ACSL1: variants seen among roughly 807,000 people sequenced by gnomAD.
ACSL1 encodes acyl-CoA synthetase long chain family member 1.
Under a neutral mutation model 98.4 loss-of-function variants are expected in ACSL1, and 41 were observed. The observed-to-expected ratio is 0.42, with a 90% CI of 0.32 to 0.54. The LOEUF (loss-of-function observed/expected upper bound fraction) is 0.54, where lower values mean the gene tolerates loss of function less well. ACSL1 is among the 20% of genes least tolerant of loss of function. The pLI, the probability that ACSL1 is intolerant of heterozygous loss-of-function variation, is 0.13. For missense variants in ACSL1, 734 were observed against 883.1 expected (o/e 0.83, Z 2.14); for synonymous variants, 316 against 322.7 (o/e 0.98, Z 0.22).
At position 184,777,508 on chromosome 4, in the gene ACSL1, A is replaced by AAG. The variant is rs566386645; in HGVS notation, c.478-527_478-526dup. ...AGGGAGGGAGGGAGGGAAGGAAGGA[A>AAG]AGAGAGAGAGAGAAAGAAAGATGAG... On this transcript the variant is annotated intron_variant, in intron 5 of 20. Transcript: ENST00000281455. Among the ~76,000 whole-genome samples the AAG allele has an allele frequency of 1.7e-3, 257 of 150,992 alleles. 2 individuals carry two copies. Among genetic ancestry groups the AAG allele is most frequent in the African/African-American group, 4.0e-3 (166 of 41,074 alleles).
chr4:184,782,764 T>C (rs1766525735), intron 4 of ACSL1, among the ~76,000 whole-genome samples: 1 of 152,146 alleles, frequency 6.6e-6, no homozygotes, highest in Non-Finnish European at 1.5e-5. Context: ...CTTCCCCTTC[T>C]CTTGAGAGAC....
chr4:184,808,639 A>C (rs936469178), intron 1 of ACSL1: 12 of 313,996 alleles, frequency 3.8e-5, no homozygotes, highest in Non-Finnish European at 5.5e-5. Context: ...TTCAGGGAGG[A>C]ACAAGAGAGC....
Position 184,766,307 on chromosome 4 carries a change from C to T in ACSL1, c.1263+315G>A, listed in dbSNP as rs574947625. Among the ~76,000 whole-genome samples the T allele has an allele frequency of 1.3e-5, 2 of 152,284 alleles. No homozygotes were observed. Among genetic ancestry groups the T allele is most frequent in the East Asian group, 3.9e-4 (2 of 5,174 alleles). ...CCTTCTGGGGGGCATGATATTGTTA[C>T]ACGTTATCACTCATGCTTGAAAAAT... On this transcript the variant is annotated intron_variant, in intron 13 of 20. Coordinates refer to ENST00000281455, the MANE Select transcript of ACSL1 (RefSeq NM_001995.5). The surrounding 1 kb of genome is among the most constrained non-coding windows in gnomAD (Gnocchi z 4.8).
intron 1 of ACSL1, among the ~76,000 whole-genome samples, chr4:184,812,773 T>C (rs1309455627): frequency 6.6e-6 from 1 of 152,148 alleles, no homozygotes; most frequent in Non-Finnish European, 1.5e-5. Flanking sequence ...AGTACTTTTC[T>C]TAAGTAAAAC....
chr4:184,801,796 C>G (rs894693091), intron 2 of ACSL1, among the ~76,000 whole-genome samples: 1 of 152,156 alleles, frequency 6.6e-6, no homozygotes, highest in Non-Finnish European at 1.5e-5. Context: ...TTAAACTGTT[C>G]TAGAGAGAAC....
intron 1 of ACSL1, chr4:184,821,340 C>A: frequency 3.5e-6 from 1 of 286,176 alleles, no homozygotes; most frequent in South Asian, 2.8e-5. Context: ...ACATTTCTCC[C>A]ACAACAAACC....
chr4:184,821,648 C>T (rs778822610), intron 1 of ACSL1, among the ~76,000 whole-genome samples: 2 of 152,114 alleles, frequency 1.3e-5, no homozygotes, highest in Non-Finnish European at 2.9e-5. Context: ...TTTTTAAAGA[C>T]GTATTTAAAC....
intron 2 of ACSL1, among the ~76,000 whole-genome samples, chr4:184,800,069 A>G (rs1770211340): frequency 6.6e-6 from 1 of 152,136 alleles, no homozygotes; most frequent in Non-Finnish European, 1.5e-5. Flanking sequence ...ACCTCTTTGG[A>G]CTCAGTTTTC....
At chr4:184,762,385 A>T (rs200943136) in intron 17 of ACSL1, 22 bp downstream of exon 17, 17 of 1,578,438 alleles carry the variant, frequency 1.1e-5, no homozygotes, top group Non-Finnish European at 1.4e-5. Context: ...ACTGTTTGTG[A>T]CCTGAGGAGG....
intron 11 of ACSL1, among the ~76,000 whole-genome samples, chr4:184,768,938 G>A (rs1392695036): frequency 1.3e-5 from 2 of 151,992 alleles, no homozygotes; most frequent in Non-Finnish European, 2.9e-5. Context: ...GCTTGGTGGC[G>A]GGTGCCCATA....
In ACSL1 at chr4:184,770,464, G is replaced by T; in HGVS notation, c.928C>A (p.Pro310Thr). 2 of 1,556,280 alleles carry T rather than the reference G, an allele frequency of 1.3e-6. No individual in the cohort carries two copies. Among genetic ancestry groups the T allele is most frequent in the Non-Finnish European group, 1.7e-6 (2 of 1,142,870 alleles). Residue 310 changes from proline (P) to threonine (T), a missense_variant, in exon 11 of 21, where the codon CCT (proline) becomes ACT (threonine). By Grantham distance (38) the Pro-to-Thr change is conservative. Transcript: ENST00000281455. ...FVKATENTVN[P>T]CPDDTLISFL... is the part of the protein sequence containing the mutation. ...GATATCAAAGTATCATCTGGGCAAG[G>T]ATTGACTGTATTCTGTAAGCAAAGA...
At chr4:184,793,890 T>C (rs1768871128) in intron 2 of ACSL1, among the ~76,000 whole-genome samples, 1 of 152,206 alleles carries the variant, frequency 6.6e-6, no homozygotes, top group African/African-American at 2.4e-5. Context: ...CAAATCCAGA[T>C]GCTCAAGTCC....
At chr4:184,826,256 G>A (rs1247576371), upstream of ACSL1, 1 of 151,660 alleles carries the variant, frequency 6.6e-6, no homozygotes, top group East Asian at 1.9e-4. Flanking sequence ...AGACTGCCTC[G>A]GATTTCATAA....
intron 2 of ACSL1, chr4:184,798,688 C>T (rs1258864816): frequency 6.6e-6 from 1 of 152,516 alleles, no homozygotes; most frequent in Non-Finnish European, 1.5e-5. Context: ...AGCAAGCAGC[C>T]CTTGAGGATG....
upstream of ACSL1, among the ~76,000 whole-genome samples, chr4:184,826,297 G>A (rs148208617): frequency 5.0e-3 from 755 of 152,298 alleles, 9 homozygotes; most frequent in African/African-American, 0.017. Flanking sequence ...GGGTACATTG[G>A]ACCGCCTCAG....
chr4:184,765,794 AAC>A (rs35565140), intron 14 of ACSL1, 95 bp downstream of exon 14: 54,203 of 792,542 alleles, frequency 0.068, no homozygotes, highest in East Asian at 0.096. Context: ...ATTAAGAAAG[AAC>A]ACACACACAC....
rs1762133118 is a variant in ACSL1, at chr4:184,756,467, T to C, written c.*658A>G. Reference sequence around the variant, plus strand: ...GAGCACCCATTTGCCAGAGGCTCCTTATCTGCATGGTTCTGAGTTGGATCT... The same window carrying C: ...GAGCACCCATTTGCCAGAGGCTCCTCATCTGCATGGTTCTGAGTTGGATCT... On this transcript the variant is annotated 3_prime_UTR_variant, in exon 21 of 21. Transcript: ENST00000281455. 1 of 152,644 alleles carries C rather than the reference T, an allele frequency of 6.6e-6. No homozygotes were observed. The highest frequency in any genetic ancestry group is 2.1e-4 in the South Asian group (1 of 4,826). 9.5% of individuals were successfully genotyped at this position (152,644 alleles called of 1,614,324 possible). A position where few individuals can be genotyped will look rare whatever the true frequency, so the allele number is the denominator to read the frequency against.
intron 1 of ACSL1, chr4:184,808,333 C>G: frequency 1.0e-6 from 1 of 985,404 alleles, no homozygotes; most frequent in Non-Finnish European, 1.2e-6. Context: ...AAACCAAAAA[C>G]CGGGTGGTCT....
chr4:184,803,474 T>C lies in ACSL1; in HGVS notation c.41A>G (p.Glu14Gly), dbSNP rs1451950035. 3 of 1,609,082 alleles carry C rather than the reference T, an allele frequency of 1.9e-6. No individual in the cohort carries two copies. The highest frequency in any genetic ancestry group is 1.1e-5 in the South Asian group (1 of 90,584). The part of the protein sequence containing the change: ...HELFRYFRMP[E>G]LVDFRQYVRT... Reference sequence around the variant, plus strand: ...CACGTACTGTCGGAAGTCAACCAGCTCTGGCATTCGAAAATACCGGAACAG... The same window carrying C: ...CACGTACTGTCGGAAGTCAACCAGCCCTGGCATTCGAAAATACCGGAACAG... Residue 14 changes from glutamate (E) to glycine (G), a missense_variant, in exon 2 of 21, where the codon GAG becomes GGG. Coordinates refer to ENST00000281455, the MANE Select transcript of ACSL1 (RefSeq NM_001995.5). The surrounding 1 kb of genome is among the most constrained non-coding windows in gnomAD (Gnocchi z 4.8).
Sources: gnomAD v4.1 joint callset for allele counts (sites outside exome capture counted in the v4.1 genomes callset) on GRCh38, gnomAD v4.1.1 for gene constraint, Gnocchi (gnomAD v3.1) non-coding constraint, MANE v1.5 for transcripts, NCBI Gene and HGNC (gene_info 2026-07-23, HGNC 2026-07-21) for gene names.